Variants in OGFOD3 observed in about 807,000 individuals in gnomAD.
The protein encoded by OGFOD3 is 2-oxoglutarate and iron-dependent oxygenase domain-containing protein 3.
Under a neutral mutation model 39.8 loss-of-function variants are expected in OGFOD3, and 35 were observed. That is an observed-to-expected ratio of 0.88 (90% CI 0.67 to 1.17). The LOEUF (loss-of-function observed/expected upper bound fraction) is 1.17, where lower values mean the gene tolerates loss of function less well. Ranked by LOEUF, OGFOD3 falls within the 50% of genes most tolerant of loss-of-function variation. The pLI is 0.00. For synonymous variants in OGFOD3, 200 were observed against 192.0 expected, an observed-to-expected ratio of 1.04 and a Z score of -0.34; for missense variants, 438 against 454.5, an observed-to-expected ratio of 0.96 and a Z score of 0.33.
chr17:82,392,731 C>T lies in OGFOD3; in HGVS notation c.824-197G>A, dbSNP rs2052614363. On this transcript the variant is annotated intron_variant, in intron 8 of 8. Coordinates refer to ENST00000313056, the MANE Select transcript of OGFOD3 (RefSeq NM_024648.3). This position sits in a 1 kb window ranked among gnomAD's most constrained non-coding sequence, Gnocchi z 4.2. ...AAACAAACGCAGCAATGCTCAGGGG[C>T]CCTGTGGCGGAGGAGGGGCCCCCCG... The T allele has an allele frequency of 2.9e-6, 2 of 687,068 alleles. No homozygotes were observed. The highest frequency in any genetic ancestry group is 2.8e-5 in the East Asian group (1 of 35,362). 42.6% of individuals were successfully genotyped at this position (687,068 alleles called of 1,614,324 possible).
rs964764403 is a variant in OGFOD3, at chr17:82,404,987, C to T, written c.545+337G>A. Among the ~76,000 whole-genome samples the T allele has an allele frequency of 2.6e-5, 4 of 152,114 alleles. No homozygotes were observed. The highest frequency in any genetic ancestry group is 5.9e-5 in the Non-Finnish European group (4 of 68,006). On this transcript the variant is annotated intron_variant, in intron 6 of 8. Coordinates refer to ENST00000313056, the MANE Select transcript of OGFOD3 (RefSeq NM_024648.3). This position sits in a 1 kb window ranked among gnomAD's most constrained non-coding sequence, Gnocchi z 4.5. ...AACTCCTGACCTCAGGTGATCCACCCGCCTCGCCTCCCAAAGTGCTGGGAT... is the reference window on the plus strand; with the variant it reads ...AACTCCTGACCTCAGGTGATCCACCTGCCTCGCCTCCCAAAGTGCTGGGAT...
At chr17:82,414,716 T>A (rs1174048263) in intron 2 of OGFOD3, among the ~76,000 whole-genome samples, 1 of 152,246 alleles carries the variant, frequency 6.6e-6, no homozygotes, top group Non-Finnish European at 1.5e-5. Flanking sequence ...TTGGTTCAAG[T>A]GCAAAGCATT....
At position 82,404,274 on chromosome 17, in the gene OGFOD3, C is replaced by T. The variant is rs902916534; in HGVS notation, c.546-184G>A. ...TGGGAACGACGCGGCCCACAGCCCA[C>T]GCACAGAGCAGCCAGAGGCAGGCGC... On this transcript the variant is annotated intron_variant, in intron 6 of 8. Transcript: ENST00000313056. This position sits in a 1 kb window ranked among gnomAD's most constrained non-coding sequence, Gnocchi z 4.5. Among the ~76,000 whole-genome samples, 4 of 152,208 alleles carry T rather than the reference C, an allele frequency of 2.6e-5. No individual in the cohort carries two copies. Among genetic ancestry groups the T allele is most frequent in the African/African-American group, 4.8e-5 (2 of 41,452 alleles).
intron 3 of OGFOD3, among the ~76,000 whole-genome samples, chr17:82,409,842 C>A (rs563703892): frequency 2.6e-4 from 40 of 152,194 alleles, no homozygotes; most frequent in African/African-American, 7.0e-4. Context: ...TTGCAGTGAG[C>A]CGAGATCGCG....
chr17:82,415,576 CG>C lies in OGFOD3; in HGVS notation c.125del (p.Pro42ArgfsTer3), dbSNP rs752045079. On this transcript the variant is annotated frameshift_variant, in exon 2 of 9. Transcript: ENST00000313056. LOFTEE classifies it high-confidence loss of function. The surrounding 1 kb of genome is among the most constrained non-coding windows in gnomAD (Gnocchi z 5.3). ...PREVQRLWQR[P>X]WLRTAGLGAG... ...CCCCCAGGCCCGCGGTCCTTAGCCACGGCCTCTGCCACAGCCTCTGCACCTC... is the reference window on the plus strand; with the variant it reads ...CCCCCAGGCCCGCGGTCCTTAGCCACGCCTCTGCCACAGCCTCTGCACCTC... The C allele has an allele frequency of 1.2e-6, 2 of 1,613,130 alleles. No homozygotes were observed. Among genetic ancestry groups the C allele is most frequent in the Admixed American group, 1.7e-5 (1 of 59,984 alleles).
At chr17:82,408,975 C>T (rs568271328) in intron 4 of OGFOD3, among the ~76,000 whole-genome samples, 61 of 152,120 alleles carry the variant, frequency 4.0e-4, no homozygotes, top group Non-Finnish European at 7.5e-4. Flanking sequence ...GTCTGTCCCA[C>T]GGAGGCCCTG....
intron 3 of OGFOD3, among the ~76,000 whole-genome samples, chr17:82,410,751 C>G (rs2052929214): frequency 8.0e-6 from 1 of 124,968 alleles, no homozygotes; most frequent in Non-Finnish European, 1.6e-5. Context: ...TGGAGTCTCA[C>G]TCTGTCACCC....
At chr17:82,414,485 T>C (rs975618994) in intron 2 of OGFOD3, among the ~76,000 whole-genome samples, 1 of 152,172 alleles carries the variant, frequency 6.6e-6, no homozygotes, top group Admixed American at 6.6e-5. Flanking sequence ...ACATGAAAAA[T>C]TTCTGCTCCG....
Position 82,392,240 on chromosome 17 carries a change from T to A in OGFOD3, c.*158A>T. 1 of 820,394 alleles carries A rather than the reference T, an allele frequency of 1.2e-6. No individual in the cohort carries two copies. Among genetic ancestry groups the A allele is most frequent in the Non-Finnish European group, 1.9e-6 (1 of 534,546 alleles). The allele number at this position is 820,394 out of a possible 1,614,324, so 50.8% of individuals were successfully genotyped here. On this transcript the variant is annotated 3_prime_UTR_variant, in exon 9 of 9. Transcript: ENST00000313056. This position sits in a 1 kb window ranked among gnomAD's most constrained non-coding sequence, Gnocchi z 4.2. ...AAGTGAAAAGCTGGTTCCCTTCATT[T>A]ACTCACAGATGAAAAGATTAACACG...
Position 82,404,005 on chromosome 17 carries a change from A to C in OGFOD3, c.631T>G (p.Phe211Val). The stretch of plus-strand genomic sequence containing the variant: ...GCTTCCGTGCTGTTTATGCGGGAGA[A>C]GAAGGTGGGCTTGGTCAGATGCAGC... ...SSLHLTKPTFFSRINSTEART... is the reference protein window; with the variant it reads ...SSLHLTKPTFVSRINSTEART... The change falls in exon 7 of 9, where the codon TTC (phenylalanine) becomes GTC (valine). Residue 211 changes from phenylalanine to valine, a missense_variant. Transcript: ENST00000313056. This position sits in a 1 kb window ranked among gnomAD's most constrained non-coding sequence, Gnocchi z 4.5. 6.2e-7 allele frequency: 1 copy of C among 1,611,418 alleles called. No individual in the cohort carries two copies. Among genetic ancestry groups the C allele is most frequent in the Non-Finnish European group, 8.5e-7 (1 of 1,179,010 alleles).
chr17:82,415,329 C>T lies in OGFOD3; in HGVS notation c.304+69G>A. ...ATACCACATCCAACCCAATTCCCACCCCTTCGTCGCAGCCAATGTCCTTTA... is the reference window on the plus strand; with the variant it reads ...ATACCACATCCAACCCAATTCCCACTCCTTCGTCGCAGCCAATGTCCTTTA... On this transcript the variant is annotated intron_variant, in intron 2 of 8. Coordinates refer to ENST00000313056, the MANE Select transcript of OGFOD3 (RefSeq NM_024648.3). The surrounding 1 kb of genome is among the most constrained non-coding windows in gnomAD (Gnocchi z 5.3). The T allele has an allele frequency of 1.0e-5, 15 of 1,466,618 alleles. No individual in the cohort carries two copies. Among genetic ancestry groups the T allele is most frequent in the Non-Finnish European group, 1.4e-5 (15 of 1,061,824 alleles). 90.9% of individuals were successfully genotyped at this position (1,466,618 alleles called of 1,614,324 possible). A position where few individuals can be genotyped will look rare whatever the true frequency, so the allele number is the denominator to read the frequency against.
chr17:82,403,278 C>T (rs1295269938), intron 7 of OGFOD3, among the ~76,000 whole-genome samples: 1 of 152,122 alleles, frequency 6.6e-6, no homozygotes, highest in Non-Finnish European at 1.5e-5. Flanking sequence ...AATTTTATTT[C>T]TCCAACTCCA....
chr17:82,399,627 C>G (rs376876708), intron 7 of OGFOD3, among the ~76,000 whole-genome samples: 1 of 152,224 alleles, frequency 6.6e-6, no homozygotes, highest in Non-Finnish European at 1.5e-5. Context: ...TGACTCCCCA[C>G]GCCCCCCAGT....
At position 82,415,456 on chromosome 17, in the gene OGFOD3, T is replaced by TGCCACGACCTC; in HGVS notation, c.235_245dup (p.Gly83ArgfsTer50). The stretch of plus-strand genomic sequence containing the variant: ...AGCAGGGCACCTCGATGAATCTCCC[T>TGCCACGACCTC]GCCACGACCTCGCCACGGCGGGCCA... On this transcript the variant is annotated frameshift_variant, in exon 2 of 9. Transcript: ENST00000313056. LOFTEE classifies it high-confidence loss of function. This position sits in a 1 kb window ranked among gnomAD's most constrained non-coding sequence, Gnocchi z 5.3. The TGCCACGACCTC allele has an allele frequency of 6.2e-7, 1 of 1,614,058 alleles. No individual in the cohort carries two copies.
intron 7 of OGFOD3, 50 bp downstream of exon 7, chr17:82,403,887 A>C (rs1262379391): frequency 1.3e-6 from 2 of 1,507,540 alleles, no homozygotes; most frequent in Non-Finnish European, 1.8e-6. Flanking sequence ...GCCCACGGGC[A>C]CGCTCACCTT....
chr17:82,394,951 GAGA>G (rs2052649522), intron 8 of OGFOD3, among the ~76,000 whole-genome samples: 1 of 152,238 alleles, frequency 6.6e-6, no homozygotes, highest in South Asian at 2.1e-4. Flanking sequence ...CCAACTCCGG[GAGA>G]AGACAGTGGG....
chr17:82,395,800 G>A (rs898776275), intron 8 of OGFOD3, among the ~76,000 whole-genome samples: 13 of 152,074 alleles, frequency 8.5e-5, no homozygotes, highest in Non-Finnish European at 1.5e-4. Flanking sequence ...CAGCCTGGGC[G>A]ACAGAGCGAG....
rs1599697156 is a variant in OGFOD3 at position 82,406,553 on chromosome 17, T to G, written c.424-71A>C. 3 of 1,307,770 alleles carry G rather than the reference T, an allele frequency of 2.3e-6. No homozygotes were observed. The highest frequency in any genetic ancestry group is 3.3e-6 in the Non-Finnish European group (3 of 902,926). 81.0% of individuals were successfully genotyped at this position (1,307,770 alleles called of 1,614,324 possible). ...AATGGCTGTTAAAAGTCATGGATGG[T>G]AAATGCGAGTTTCCAAGGTCTGGCC... On this transcript the variant is annotated intron_variant, in intron 4 of 8. Coordinates refer to ENST00000313056, the MANE Select transcript of OGFOD3 (RefSeq NM_024648.3). The surrounding 1 kb of genome is among the most constrained non-coding windows in gnomAD (Gnocchi z 5.2).
intron 3 of OGFOD3, among the ~76,000 whole-genome samples, chr17:82,410,358 T>A (rs2052923181): frequency 6.6e-6 from 1 of 152,216 alleles, no homozygotes; most frequent in Admixed American, 6.5e-5. Context: ...TCCACATGCT[T>A]ATCGTCTCAA....
Sources: allele counts gnomAD v4.1 joint callset (sites outside exome capture counted in the v4.1 genomes callset), GRCh38; gene constraint gnomAD v4.1.1; non-coding constraint Gnocchi (gnomAD v3.1); transcripts MANE v1.5; gene names NCBI Gene and HGNC (gene_info 2026-07-23, HGNC 2026-07-21).